ADAMTS12: variants seen among roughly 807,000 people sequenced by gnomAD.
The protein encoded by ADAMTS12 is A disintegrin and metalloproteinase with thrombospondin motifs 12.
Under a neutral mutation model 167.8 loss-of-function variants are expected in ADAMTS12, and 118 were observed. The ratio of observed to expected loss-of-function variants is 0.70; its 90% CI spans 0.61 to 0.82. The LOEUF (loss-of-function observed/expected upper bound fraction) is 0.82. Among genes scored for constraint, ADAMTS12 ranks in the 40% least tolerant of loss-of-function variants. ADAMTS12 has a pLI of 0.00. For missense variants in ADAMTS12, 1,916 were observed against 1,998.8 expected (o/e 0.96, Z 0.79); for synonymous variants, 704 against 716.9 (o/e 0.98, Z 0.29).
At chr5:33,789,176 G>A in intron 2 of ADAMTS12, among the ~76,000 whole-genome samples, 1 of 152,180 alleles carries the variant, frequency 6.6e-6, no homozygotes, top group East Asian at 1.9e-4. Flanking sequence ...GGACAGAAAG[G>A]TCTCTCACAC....
At chr5:33,753,706 CATA>C (rs1457279452) in intron 2 of ADAMTS12, among the ~76,000 whole-genome samples, 1 of 152,124 alleles carries the variant, frequency 6.6e-6, no homozygotes, top group East Asian at 1.9e-4. Flanking sequence ...CACTTGAGGA[CATA>C]ATAACCATTT....
chr5:33,624,406 C>G, intron 13 of ADAMTS12, 55 bp from the exon 14 acceptor site: 1 of 1,608,788 alleles, frequency 6.2e-7, no homozygotes, highest in Non-Finnish European at 8.5e-7. Context: ...CCACTCTTGC[C>G]TGGATCTGTG....
At chr5:33,833,559 A>G (rs558501207) in intron 2 of ADAMTS12, among the ~76,000 whole-genome samples, 1 of 152,168 alleles carries the variant, frequency 6.6e-6, no homozygotes, top group African/African-American at 2.4e-5. Context: ...CTCAAACTGT[A>G]TAATTCACAC....
intron 5 of ADAMTS12, among the ~76,000 whole-genome samples, chr5:33,668,232 C>T (rs1450679721): frequency 6.6e-6 from 1 of 152,090 alleles, no homozygotes; most frequent in Non-Finnish European, 1.5e-5. Context: ...TCATCTCATA[C>T]AAAGCCTATT....
intron 2 of ADAMTS12, among the ~76,000 whole-genome samples, chr5:33,771,746 C>T (rs1286300514): frequency 3.3e-5 from 5 of 151,694 alleles, no homozygotes; most frequent in African/African-American, 4.8e-5. Context: ...ATTAAATATT[C>T]ACTGTCCTTA....
intron 5 of ADAMTS12, among the ~76,000 whole-genome samples, chr5:33,671,185 G>C (rs1050975887): frequency 6.6e-6 from 1 of 152,180 alleles, no homozygotes; most frequent in Non-Finnish European, 1.5e-5. Flanking sequence ...AAGTATAAAA[G>C]GTATGAAAGG....
chr5:33,773,317 T>A (rs1025285994), intron 2 of ADAMTS12, among the ~76,000 whole-genome samples: 1 of 152,176 alleles, frequency 6.6e-6, no homozygotes, highest in African/African-American at 2.4e-5. Context: ...GGCAGAGAAG[T>A]TTTCATAGCC....
chr5:33,630,650 T>A, intron 13 of ADAMTS12, 130 bp downstream of exon 13: 1 of 1,009,706 alleles, frequency 9.9e-7, no homozygotes, highest in South Asian at 2.1e-5. Context: ...TCTTTTCGTT[T>A]CATGAACTAT....
At chr5:33,711,892 C>G (rs1051031931) in intron 3 of ADAMTS12, among the ~76,000 whole-genome samples, 23 of 152,134 alleles carry the variant, frequency 1.5e-4, no homozygotes, top group African/African-American at 5.6e-4. Flanking sequence ...TCTGCTCAGC[C>G]TCTTACACTT....
In ADAMTS12 at chr5:33,525,078, T is replaced by G. The variant is rs2111701373; in HGVS notation, c.*2110A>C. The stretch of plus-strand genomic sequence containing the variant: ...GACCCTATGCTAGTACAGTACCAGG[T>G]TAAATCAATCTAGCTTACTAAATGA... On this transcript the variant is annotated 3_prime_UTR_variant, in exon 24 of 24. Coordinates refer to ENST00000504830, the MANE Select transcript of ADAMTS12 (RefSeq NM_030955.4). 1 of 152,324 alleles carries G rather than the reference T, an allele frequency of 6.6e-6. No individual in the cohort carries two copies. The highest frequency in any genetic ancestry group is 2.1e-4 in the South Asian group (1 of 4,826). 9.4% of individuals were successfully genotyped at this position (152,324 alleles called of 1,614,324 possible). A position where few individuals can be genotyped will look rare whatever the true frequency, so the allele number is the denominator to read the frequency against.
Position 33,598,683 on chromosome 5 carries a change from C to T in ADAMTS12, c.2528-2623G>A, listed in dbSNP as rs554139909. Among the ~76,000 whole-genome samples, 36 of 152,274 alleles carry T rather than the reference C, an allele frequency of 2.4e-4. No homozygotes were observed. In the South Asian group the frequency reaches 5.8e-3, roughly 25 times the overall value. ...TAACCTAGAAAATGGTTTGTTGAAA[C>T]GATTGTCAGGATGTTTCAAAATGAT... On this transcript the variant is annotated intron_variant, in intron 16 of 23. Coordinates refer to ENST00000504830, the MANE Select transcript of ADAMTS12 (RefSeq NM_030955.4).
intron 21 of ADAMTS12, among the ~76,000 whole-genome samples, chr5:33,547,640 C>A (rs372170221): frequency 6.6e-6 from 1 of 152,114 alleles, no homozygotes; most frequent in African/African-American, 2.4e-5. Flanking sequence ...ACTCTACCAA[C>A]TTTGTGGTTT....
chr5:33,701,797 T>C (rs988155027), intron 3 of ADAMTS12, among the ~76,000 whole-genome samples: 3 of 152,170 alleles, frequency 2.0e-5, no homozygotes, highest in Non-Finnish European at 4.4e-5. Flanking sequence ...GCTTAACTTG[T>C]GGGATTCAGC....
At chr5:33,777,515 A>G (rs1745956542) in intron 2 of ADAMTS12, among the ~76,000 whole-genome samples, 2 of 152,182 alleles carry the variant, frequency 1.3e-5, no homozygotes, top group East Asian at 1.9e-4. Flanking sequence ...AATTGGGTAT[A>G]GAAAGAATGT....
intron 18 of ADAMTS12, among the ~76,000 whole-genome samples, chr5:33,583,115 A>C (rs935406283): frequency 1.5e-4 from 23 of 151,684 alleles, no homozygotes; most frequent in African/African-American, 5.6e-4. Context: ...GTACCCATTA[A>C]TCATCCCCAC....
At chr5:33,772,652 G>C (rs1417166794) in intron 2 of ADAMTS12, among the ~76,000 whole-genome samples, 1 of 152,182 alleles carries the variant, frequency 6.6e-6, no homozygotes, top group African/African-American at 2.4e-5. Context: ...AAAAAGAGCA[G>C]CTTGGCTGTG....
chr5:33,779,069 T>C, intron 2 of ADAMTS12, among the ~76,000 whole-genome samples: 1 of 152,046 alleles, frequency 6.6e-6, no homozygotes, highest in Non-Finnish European at 1.5e-5. Flanking sequence ...GGATGTAAAT[T>C]AGAACAGCCA....
chr5:33,611,940 G>A lies in ADAMTS12; in HGVS notation c.2527+2298C>T, dbSNP rs183710842. On this transcript the variant is annotated intron_variant, in intron 16 of 23. Coordinates refer to ENST00000504830, the MANE Select transcript of ADAMTS12 (RefSeq NM_030955.4). ...GCAAAAGTGCATGTGTTAGAGTGGT[G>A]ACAATTTTTCATGTTTCAGTAATGT... 5.0e-4 allele frequency among the ~76,000 whole-genome samples: 76 copies of A among 152,282 alleles called. 1 individual carries two copies. The highest frequency in any genetic ancestry group is 2.9e-5 in the Non-Finnish European group (2 of 68,016).
rs527633748 is a variant in ADAMTS12, at chr5:33,885,391, T to C, written c.128-3911A>G. Among the ~76,000 whole-genome samples the C allele has an allele frequency of 3.2e-4, 49 of 152,124 alleles. No homozygotes were observed. The South Asian group carries it at 8.9e-3, about 28-fold the overall frequency. Reference sequence around the variant, plus strand: ...TTTTCCTTTTAAAATTTGTAGTTCCTCCGGGAGGCCGAGTTTACGGTGAGC... The same window carrying C: ...TTTTCCTTTTAAAATTTGTAGTTCCCCCGGGAGGCCGAGTTTACGGTGAGC... On this transcript the variant is annotated intron_variant, in intron 1 of 23. Coordinates refer to ENST00000504830, the MANE Select transcript of ADAMTS12 (RefSeq NM_030955.4).
Sources: gnomAD v4.1 joint callset for allele counts (sites outside exome capture counted in the v4.1 genomes callset) on GRCh38, gnomAD v4.1.1 for gene constraint, MANE v1.5 for transcripts, NCBI Gene and HGNC (gene_info 2026-07-23, HGNC 2026-07-21) for gene names.